Variants in NRG1 observed in about 807,000 individuals in gnomAD.
NRG1 encodes pro-neuregulin-1, membrane-bound isoform.
In NRG1, 18 loss-of-function variants were observed where a neutral mutation model predicts 63.8. The ratio of observed to expected loss-of-function variants is 0.28; its 90% CI spans 0.19 to 0.42. The LOEUF is 0.42. Ranked by LOEUF, NRG1 falls within the 10% of genes least tolerant of loss-of-function variation. The probability of loss-of-function intolerance (pLI) is 1.00; values close to 1 mark genes in which losing one functional copy is unlikely to be tolerated. For synonymous variants in NRG1, 302 were observed against 301.3 expected (o/e 1.00, Z -0.02); for missense variants, 762 against 814.7 (o/e 0.94, Z 0.79).
intron 1 of NRG1, among the ~76,000 whole-genome samples, chr8:31,794,537 G>T (rs1020018323): frequency 6.6e-6 from 1 of 151,140 alleles, no homozygotes; most frequent in Admixed American, 6.6e-5. Flanking sequence ...TTAGGAACTC[G>T]GTAGACAAGC....
At position 32,051,230 on chromosome 8, in the gene NRG1, C is replaced by T. The variant is rs142784707; in HGVS notation, c.37+411799C>T. Among the ~76,000 whole-genome samples, 426 of 152,064 alleles carry T rather than the reference C, an allele frequency of 2.8e-3. 2 individuals carry two copies. Among genetic ancestry groups the T allele is most frequent in the African/African-American group, 9.3e-3 (384 of 41,494 alleles). On this transcript the variant is annotated intron_variant, in intron 1 of 10. Coordinates refer to the NRG1 transcript ENST00000519301. ...CTCATTCGTTTATGTATTTAAAATACGTCTTGACTACCAATAATGTATAAC... is the reference window on the plus strand; with the variant it reads ...CTCATTCGTTTATGTATTTAAAATATGTCTTGACTACCAATAATGTATAAC...
intron 1 of NRG1, among the ~76,000 whole-genome samples, chr8:31,700,706 G>C (rs1236749648): frequency 6.6e-6 from 1 of 152,170 alleles, no homozygotes; most frequent in Non-Finnish European, 1.5e-5. Flanking sequence ...AAATTTGTCA[G>C]AGAAAATGAG....
intron 11 of NRG1, among the ~76,000 whole-genome samples, chr8:32,762,951 G>A (rs1830987517): frequency 6.6e-6 from 1 of 152,162 alleles, no homozygotes; most frequent in Non-Finnish European, 1.5e-5. Context: ...GAGGCATCAT[G>A]AAAGAGATTG....
chr8:32,548,955 G>T (rs1242450765), intron 1 of NRG1, 129 bp downstream of exon 1: 8 of 1,269,626 alleles, frequency 6.3e-6, no homozygotes, highest in Non-Finnish European at 8.4e-6. Context: ...CGCTCTGAGC[G>T]CCCGTTGAGT....
chr8:31,794,105 TC>T (rs1563409478), intron 1 of NRG1, among the ~76,000 whole-genome samples: 1 of 152,198 alleles, frequency 6.6e-6, no homozygotes, highest in Non-Finnish European at 1.5e-5. Flanking sequence ...AATAGAATCT[TC>T]AGTGATTTCA....
At chr8:32,406,848 C>A (rs1417394132) in intron 1 of NRG1, among the ~76,000 whole-genome samples, 1 of 152,044 alleles carries the variant, frequency 6.6e-6, no homozygotes, top group African/African-American at 2.4e-5. Flanking sequence ...TTGAAAGGAA[C>A]TCTGGCAGCA....
intron 1 of NRG1, among the ~76,000 whole-genome samples, chr8:32,289,126 C>T (rs1037312622): frequency 2.0e-5 from 3 of 152,160 alleles, no homozygotes; most frequent in Non-Finnish European, 4.4e-5. Context: ...AAAATTGAGT[C>T]TTTCTTAACT....
intron 1 of NRG1, among the ~76,000 whole-genome samples, chr8:32,226,901 T>A (rs1846384567): frequency 6.6e-6 from 1 of 152,222 alleles, no homozygotes; most frequent in Non-Finnish European, 1.5e-5. Context: ...GATTTCTATT[T>A]GTTCTATCCT....
intron 1 of NRG1, among the ~76,000 whole-genome samples, chr8:31,857,958 G>C (rs1308808108): frequency 6.6e-6 from 1 of 152,134 alleles, no homozygotes; most frequent in South Asian, 2.1e-4. Flanking sequence ...GCTCTTGGAA[G>C]TTGACAACAA....
intron 1 of NRG1, among the ~76,000 whole-genome samples, chr8:31,666,090 C>T (rs1203679145): frequency 1.3e-5 from 2 of 152,126 alleles, no homozygotes; most frequent in East Asian, 1.9e-4. Flanking sequence ...AACAGCCCTT[C>T]GAAAGGGCTT....
intron 1 of NRG1, among the ~76,000 whole-genome samples, chr8:32,542,872 A>C (rs1832710762): frequency 6.6e-6 from 1 of 152,216 alleles, no homozygotes. Flanking sequence ...AAAAGGATGA[A>C]GACTTGGATT....
At position 32,144,386 on chromosome 8, in the gene NRG1, G is replaced by GGGGTGT. The variant is rs1554637924; in HGVS notation, c.38-451441_38-451440insGGTGTG. ...TGTATATAGTATGTGTGTTTATGGA[G>GGGGTGT]GTGTGTGTGTGTGTGTGTATGTGTT... On this transcript the variant is annotated intron_variant, in intron 1 of 10. Transcript: ENST00000519301. 2.4e-4 allele frequency among the ~76,000 whole-genome samples: 36 copies of GGGGTGT among 150,980 alleles called. No homozygotes were observed. The East Asian group carries it at 3.9e-3, about 17-fold the overall frequency.
chr8:32,742,218 G>A lies in NRG1; in HGVS notation c.633-457G>A. ...CTCTCAAGGCATAAACCCATTCAGT[G>A]TTACCTTATTTAACTGTCTCTCAAA... On this transcript the variant is annotated intron_variant, in intron 6 of 11. Transcript: ENST00000356819. This position sits in a 1 kb window ranked among gnomAD's most constrained non-coding sequence, Gnocchi z 4.2. The A allele has an allele frequency of 1.4e-6, 1 of 694,192 alleles. No individual in the cohort carries two copies. Among genetic ancestry groups the A allele is most frequent in the Non-Finnish European group, 2.5e-6 (1 of 402,876 alleles). 43.0% of individuals were successfully genotyped at this position (694,192 alleles called of 1,614,324 possible). A position where few individuals can be genotyped will look rare whatever the true frequency, so the allele number is the denominator to read the frequency against.
At chr8:32,470,390 G>A (rs1296285436) in intron 1 of NRG1, among the ~76,000 whole-genome samples, 1 of 151,498 alleles carries the variant, frequency 6.6e-6, no homozygotes, top group African/African-American at 2.4e-5. Flanking sequence ...ATTTTTAATA[G>A]AGACGGGGTT....
Position 32,630,846 on chromosome 8 carries a change from A to G in NRG1, c.502+13961A>G, listed in dbSNP as rs186675768. ...CAACTGACTGACGATAATTAAACAG[A>G]AAATGAAACTTGAATGGCACTATCT... On this transcript the variant is annotated intron_variant, in intron 5 of 11. Transcript: ENST00000356819. Among the ~76,000 whole-genome samples the G allele has an allele frequency of 7.2e-4, 110 of 152,304 alleles. 1 individual carries two copies. Among genetic ancestry groups the G allele is most frequent in the African/African-American group, 2.5e-3 (104 of 41,578 alleles).
At chr8:32,102,894 T>TCA (rs1250466169) in intron 1 of NRG1, among the ~76,000 whole-genome samples, 10 of 152,166 alleles carry the variant, frequency 6.6e-5, no homozygotes, top group Non-Finnish European at 1.3e-4. Context: ...TTTTTTTAAT[T>TCA]TTTAATTTCT....
At chr8:32,293,209 T>C (rs1490690632) in intron 1 of NRG1, among the ~76,000 whole-genome samples, 1 of 152,242 alleles carries the variant, frequency 6.6e-6, no homozygotes, top group Non-Finnish European at 1.5e-5. Flanking sequence ...ATAAAATATA[T>C]GATTTAGTTA....
In NRG1 at chr8:32,473,406, A is replaced by G. The variant is rs542928428; in HGVS notation, c.38-122422A>G. Among the ~76,000 whole-genome samples the G allele has an allele frequency of 1.6e-4, 25 of 152,324 alleles. No individual in the cohort carries two copies. The South Asian group carries it at 4.4e-3, about 27-fold the overall frequency. Reference sequence around the variant, plus strand: ...ACTAACATCCTGAGAGCTAAAAGTCATCGTTTTCCTTTAAAATATCTAAAT... The same window carrying G: ...ACTAACATCCTGAGAGCTAAAAGTCGTCGTTTTCCTTTAAAATATCTAAAT... On this transcript the variant is annotated intron_variant, in intron 1 of 10. Coordinates refer to the NRG1 transcript ENST00000519301.
chr8:31,690,873 C>T (rs976247376), intron 1 of NRG1, among the ~76,000 whole-genome samples: 6 of 152,068 alleles, frequency 3.9e-5, no homozygotes, highest in Admixed American at 3.3e-4. Context: ...ATAAGACTTC[C>T]AAGGGTAGAT....
Sources: gnomAD v4.1 joint callset for allele counts (sites outside exome capture counted in the v4.1 genomes callset) on GRCh38, gnomAD v4.1.1 for gene constraint, Gnocchi (gnomAD v3.1) non-coding constraint, MANE v1.5 for transcripts, NCBI Gene and HGNC (gene_info 2026-07-23, HGNC 2026-07-21) for gene names.